PRR16: variants seen among roughly 807,000 people sequenced by gnomAD.
PRR16 encodes the protein protein Largen.
In PRR16, 6 loss-of-function variants were observed where a neutral mutation model predicts 18.2. The ratio of observed to expected loss-of-function variants is 0.33; its 90% CI spans 0.18 to 0.65. PRR16 has a LOEUF of 0.65. Among genes scored for constraint, PRR16 ranks in the 30% least tolerant of loss-of-function variants. The pLI is 0.74. For missense variants in PRR16, 412 were observed against 376.6 expected (o/e 1.09, Z -0.78); for synonymous variants, 151 against 147.8 (o/e 1.02, Z -0.16).
intron 1 of PRR16, among the ~76,000 whole-genome samples, chr5:120,615,820 T>C (rs1033615662): frequency 2.6e-5 from 4 of 152,166 alleles, no homozygotes; most frequent in Non-Finnish European, 5.9e-5. Context: ...CTGGGCGTTT[T>C]ATTCATTGTC....
At chr5:120,535,091 G>T (rs1443973422) in intron 1 of PRR16, among the ~76,000 whole-genome samples, 1 of 150,968 alleles carries the variant, frequency 6.6e-6, no homozygotes, top group African/African-American at 2.4e-5. Context: ...GTGTGTGTGT[G>T]TGTGTGTGTG....
At chr5:120,668,915 A>G (rs1461465783) in intron 1 of PRR16, among the ~76,000 whole-genome samples, 2 of 152,272 alleles carry the variant, frequency 1.3e-5, no homozygotes, top group African/African-American at 4.8e-5. Flanking sequence ...ACTGATGGGA[A>G]TAACGCGTCC....
chr5:120,661,681 C>A (rs759293696), intron 1 of PRR16, among the ~76,000 whole-genome samples: 3 of 151,822 alleles, frequency 2.0e-5, no homozygotes, highest in African/African-American at 7.3e-5. Context: ...TACTGTCCTC[C>A]AGAACACTCT....
chr5:120,476,079 A>G (rs1193720158), intron 1 of PRR16, among the ~76,000 whole-genome samples: 1 of 152,230 alleles, frequency 6.6e-6, no homozygotes, highest in East Asian at 1.9e-4. Flanking sequence ...GTGTTTTAAT[A>G]GCCCTAGAGC....
intron 1 of PRR16, among the ~76,000 whole-genome samples, chr5:120,584,388 A>G (rs754356554): frequency 6.6e-6 from 1 of 152,226 alleles, no homozygotes; most frequent in Non-Finnish European, 1.5e-5. Context: ...ACGTAGTTGT[A>G]TAATTCTAGC....
At chr5:120,479,791 A>T (rs1370848595) in intron 1 of PRR16, among the ~76,000 whole-genome samples, 1 of 152,054 alleles carries the variant, frequency 6.6e-6, no homozygotes, top group Non-Finnish European at 1.5e-5. Context: ...TAGTATTCAA[A>T]TTTGTTTGAT....
chr5:120,723,973 T>TA, the PRR16 span, among the ~76,000 whole-genome samples: 3,371 of 146,836 alleles, frequency 0.023, 30 homozygotes, highest in Non-Finnish European at 0.026. Context: ...ATTATGGCAT[T>TA]AAAAAAAAAA....
chr5:120,721,964 G>C, the PRR16 span, among the ~76,000 whole-genome samples: 1 of 151,958 alleles, frequency 6.6e-6, no homozygotes, highest in Non-Finnish European at 1.5e-5. Flanking sequence ...CACATGCTTT[G>C]CTGCACCCAT....
intron 1 of PRR16, among the ~76,000 whole-genome samples, chr5:120,678,718 C>A (rs1756883034): frequency 1.3e-5 from 2 of 152,118 alleles, no homozygotes; most frequent in South Asian, 4.1e-4. Context: ...AATATAAGAT[C>A]ATATCATCTG....
At chr5:120,478,446 A>G (rs1208278936) in intron 1 of PRR16, among the ~76,000 whole-genome samples, 3 of 152,142 alleles carry the variant, frequency 2.0e-5, no homozygotes, top group African/African-American at 7.2e-5. Flanking sequence ...TTTGGAATAG[A>G]CAAAGGATCT....
the PRR16 span, among the ~76,000 whole-genome samples, chr5:120,708,632 A>T: frequency 6.6e-6 from 1 of 152,238 alleles, no homozygotes; most frequent in African/African-American, 2.4e-5. Context: ...GTAAGTGTAC[A>T]AAGCGATTAT....
intron 1 of PRR16, among the ~76,000 whole-genome samples, chr5:120,491,459 C>A (rs1028613127): frequency 1.9e-5 from 2 of 103,812 alleles, no homozygotes; most frequent in African/African-American, 7.7e-5. Flanking sequence ...CTTTCCTTTC[C>A]TTTCCTTTCC....
the PRR16 span, among the ~76,000 whole-genome samples, chr5:120,712,534 A>T: frequency 6.6e-6 from 1 of 152,208 alleles, no homozygotes; most frequent in Admixed American, 6.5e-5. Flanking sequence ...AGATTGGGAA[A>T]AATATATGTG....
intron 1 of PRR16, among the ~76,000 whole-genome samples, chr5:120,509,398 T>G (rs1750749609): frequency 6.6e-6 from 1 of 152,114 alleles, no homozygotes; most frequent in Non-Finnish European, 1.5e-5. Flanking sequence ...TGGCCAATCC[T>G]TTGGGGCTAC....
intron 1 of PRR16, among the ~76,000 whole-genome samples, chr5:120,659,012 C>G (rs949415116): frequency 6.6e-6 from 1 of 151,840 alleles, no homozygotes; most frequent in African/African-American, 2.4e-5. Context: ...CTCTTTCTCT[C>G]TCACCTGCGA....
intron 1 of PRR16, among the ~76,000 whole-genome samples, chr5:120,666,261 C>T (rs1318278662): frequency 3.8e-4 from 57 of 151,214 alleles, no homozygotes; most frequent in Middle Eastern, 3.4e-3. Context: ...TCTCTGTTTG[C>T]CTGTTATTGG....
At chr5:120,546,444 G>T (rs1222116369) in intron 1 of PRR16, among the ~76,000 whole-genome samples, 1 of 152,160 alleles carries the variant, frequency 6.6e-6, no homozygotes, top group Middle Eastern at 3.4e-3. Context: ...GAAGATTCTT[G>T]ATTGCCTGTT....
intron 1 of PRR16, among the ~76,000 whole-genome samples, chr5:120,547,673 TC>T (rs1396377885): frequency 6.6e-6 from 1 of 152,068 alleles, no homozygotes; most frequent in East Asian, 1.9e-4. Context: ...GAACAGAATG[TC>T]AGTCACTGAA....
the PRR16 span, among the ~76,000 whole-genome samples, chr5:120,697,452 A>G: frequency 6.6e-6 from 1 of 152,238 alleles, no homozygotes; most frequent in South Asian, 2.1e-4. Context: ...AAACCTGTCC[A>G]CTTACTGGAA....
Sources: allele counts gnomAD v4.1 joint callset (sites outside exome capture counted in the v4.1 genomes callset), GRCh38; gene constraint gnomAD v4.1.1; transcripts MANE v1.5; gene names NCBI Gene and HGNC (gene_info 2026-07-23, HGNC 2026-07-21).